The following KALRN variants were observed in gnomAD, a reference collection of about 807,000 sequenced individuals.
KALRN encodes kalirin RhoGEF kinase, also known as kalirin.
In KALRN, 70 loss-of-function variants were observed where a neutral mutation model predicts 353.7. The ratio of observed to expected loss-of-function variants is 0.20; its 90% CI spans 0.16 to 0.24. The LOEUF (loss-of-function observed/expected upper bound fraction) is 0.24, where lower values mean the gene tolerates loss of function less well. Among genes scored for constraint, KALRN ranks in the 10% least tolerant of loss-of-function variants. KALRN has a pLI of 1.00. For synonymous variants in KALRN, 1,391 were observed against 1,434.8 expected, an observed-to-expected ratio of 0.97 and a Z score of 0.69; for missense variants, 2,791 against 3,756.7, an observed-to-expected ratio of 0.74 and a Z score of 6.72.
Position 124,413,518 on chromosome 3 carries a change from A to G in KALRN, c.2395A>G (p.Asn799Asp). ...AWNEDLLRQM[N>D]DFNTEDLTLA... ...GAATGAAGACTTGCTTCGGCAGATG[A>G]ATGACTTCAACACAGAGGACCTAAC... Residue 799 changes from asparagine to aspartate, a missense_variant, in exon 14 of 60, where the codon AAT (asparagine) becomes GAT (aspartate). This residue lies in a region of KALRN where 452 missense variants were observed against 575.8 expected (regional missense o/e 0.78). Transcript: ENST00000682506. 6.2e-7 allele frequency: 1 copy of G among 1,614,130 alleles called. No individual in the cohort carries two copies. The highest frequency in any genetic ancestry group is 8.5e-7 in the Non-Finnish European group (1 of 1,180,010).
intron 25 of KALRN, among the ~76,000 whole-genome samples, chr3:124,462,848 C>T (rs941419956): frequency 6.6e-6 from 1 of 152,142 alleles, no homozygotes; most frequent in African/African-American, 2.4e-5. Flanking sequence ...AGTGCTCCTC[C>T]CCATCTCTCC....
chr3:124,244,061 T>C (rs1221570869), intron 3 of KALRN, among the ~76,000 whole-genome samples: 1 of 152,224 alleles, frequency 6.6e-6, no homozygotes, highest in Non-Finnish European at 1.5e-5. Context: ...AATGAATGAA[T>C]ATATGTGCCT....
At position 124,717,253 on chromosome 3, in the gene KALRN, T is replaced by G; in HGVS notation, c.8283T>G (p.Asp2761Glu). The change falls in exon 59 of 60, where the codon GAT becomes GAG. Residue 2761 changes from aspartate to glutamate, a missense_variant. Asp to Glu is a conservative substitution (Grantham distance 45). Around this residue, in one of 11 missense-constraint regions of KALRN, gnomAD observed 188 missense variants for 402.9 expected, o/e 0.47. Coordinates refer to ENST00000682506, the MANE Select transcript of KALRN (RefSeq NM_001388419.1). The stretch of plus-strand genomic sequence containing the variant: ...TTTCCCTGCCTACTTTCAGGATGGA[T>G]GATGGCCGGCTCTTAGACTACCTTA... ...TSYILILELM[D>E]DGRLLDYLMN... 6.3e-7 allele frequency: 1 copy of G among 1,599,102 alleles called. No individual in the cohort carries two copies. The highest frequency in any genetic ancestry group is 1.3e-5 in the African/African-American group (1 of 74,398).
chr3:124,661,835 T>A lies in KALRN; in HGVS notation c.6268-16T>A. On this transcript the variant is annotated splice_polypyrimidine_tract_variant and intron_variant, in intron 44 of 59. Coordinates refer to ENST00000682506, the MANE Select transcript of KALRN (RefSeq NM_001388419.1). The stretch of plus-strand genomic sequence containing the variant: ...TGCTGTTCCCCCTCCTGAGTAACAG[T>A]TGTTCTTTCCCACAGAAAGCAGTGG... The A allele has an allele frequency of 6.2e-7, 1 of 1,609,420 alleles. No homozygotes were observed. Among genetic ancestry groups the A allele is most frequent in the Non-Finnish European group, 8.5e-7 (1 of 1,175,816 alleles).
At chr3:124,666,299 G>C in intron 45 of KALRN, 150 bp from the exon 46 acceptor site, 1 of 678,234 alleles carries the variant, frequency 1.5e-6, no homozygotes, top group Non-Finnish European at 2.5e-6. Context: ...TGAGTGGGTG[G>C]GTCCTAATTC....
chr3:124,353,357 C>A (rs1195780965), intron 10 of KALRN, among the ~76,000 whole-genome samples: 2 of 151,988 alleles, frequency 1.3e-5, no homozygotes, highest in Non-Finnish European at 2.9e-5. Flanking sequence ...TGGACAATAG[C>A]CCTCATCAAT....
At chr3:124,585,569 T>C (rs904377783) in intron 34 of KALRN, among the ~76,000 whole-genome samples, 2 of 151,968 alleles carry the variant, frequency 1.3e-5, no homozygotes, top group African/African-American at 4.8e-5. Context: ...AGCAACCAAT[T>C]TCCCCCAAAG....
rs143466980 is a variant in KALRN, at chr3:124,282,225, T to G, written c.969+12970T>G. 2.1e-3 allele frequency among the ~76,000 whole-genome samples: 321 copies of G among 152,240 alleles called. 1 individual carries two copies. The highest frequency in any genetic ancestry group is 7.4e-3 in the African/African-American group (306 of 41,546). ...GGCAGTGGGACACGAGTGGGAACAATTCCCGAAGACATTTTGGAAGAAGGA... is the reference window on the plus strand; with the variant it reads ...GGCAGTGGGACACGAGTGGGAACAAGTCCCGAAGACATTTTGGAAGAAGGA... On this transcript the variant is annotated intron_variant, in intron 5 of 59. Transcript: ENST00000682506.
At position 124,269,186 on chromosome 3, in the gene KALRN, G is replaced by A; in HGVS notation, c.900G>A (p.Met300Ile). 3 of 1,612,690 alleles carry A rather than the reference G, an allele frequency of 1.9e-6. No individual in the cohort carries two copies. The highest frequency in any genetic ancestry group is 2.5e-6 in the Non-Finnish European group (3 of 1,179,214). ...CCACCCGGCAGCACCTGCACCAGAT[G>A]TGGCATGTGCGCAAGCTCAAGCTGG... ...LHSTRQHLHQ[M>I]WHVRKLKLDQ... The change falls in exon 5 of 60, where the codon ATG becomes ATA. Residue 300 changes from methionine to isoleucine, a missense_variant. This residue lies in a region of KALRN where 366 missense variants were observed against 489.2 expected (regional missense o/e 0.75). Coordinates refer to ENST00000682506, the MANE Select transcript of KALRN (RefSeq NM_001388419.1).
chr3:124,169,002 A>T (rs1392548095), intron 1 of KALRN, among the ~76,000 whole-genome samples: 1 of 152,224 alleles, frequency 6.6e-6, no homozygotes, highest in Non-Finnish European at 1.5e-5. Context: ...TTGACTCTTG[A>T]GTGGAAAGAC....
At chr3:124,674,760 C>T in intron 49 of KALRN, 146 bp downstream of exon 49, 1 of 878,516 alleles carries the variant, frequency 1.1e-6, no homozygotes, top group Non-Finnish European at 1.6e-6. Flanking sequence ...TGTTTGAGTG[C>T]TGACACCATA....
intron 5 of KALRN, among the ~76,000 whole-genome samples, chr3:124,274,960 C>T (rs2074547912): frequency 6.6e-6 from 1 of 152,186 alleles, no homozygotes; most frequent in African/African-American, 2.4e-5. Flanking sequence ...AGGATTTGTC[C>T]TGGGGTGACA....
chr3:124,500,405 A>C (rs749296952), intron 33 of KALRN, among the ~76,000 whole-genome samples: 1 of 152,188 alleles, frequency 6.6e-6, no homozygotes, highest in Non-Finnish European at 1.5e-5. Context: ...CCAATGCCCA[A>C]CACCCCTCCT....
intron 38 of KALRN, among the ~76,000 whole-genome samples, chr3:124,653,715 G>A (rs1307353357): frequency 6.6e-6 from 1 of 152,230 alleles, no homozygotes; most frequent in Non-Finnish European, 1.5e-5. Flanking sequence ...CCTGTGAAAG[G>A]AGGTTAGAAG....
In KALRN at chr3:124,355,887, A is replaced by G. The variant is rs148537678; in HGVS notation, c.1770+8622A>G. Among the ~76,000 whole-genome samples the G allele has an allele frequency of 4.4e-3, 671 of 151,604 alleles. 21 individuals carry two copies. The highest frequency in any genetic ancestry group is 0.034 in the Admixed American group (518 of 15,216). The stretch of plus-strand genomic sequence containing the variant: ...TGAGCCACTACACCCTGCTAATTTT[A>G]TATTTTCAGTAGAGATGGGGTTTCA... On this transcript the variant is annotated intron_variant, in intron 10 of 59. Transcript: ENST00000682506.
rs1222149754 is a variant in KALRN, at chr3:124,273,852, C to CGCAGAA, written c.969+4597_969+4598insGCAGAA. Among the ~76,000 whole-genome samples, 4 of 152,346 alleles carry CGCAGAA rather than the reference C, an allele frequency of 2.6e-5. No individual in the cohort carries two copies. In the East Asian group the frequency reaches 5.8e-4, roughly 22 times the overall value. ...GGTCTATAACTAATGGGCCTGTCCT[C>CGCAGAA]CACTGTATTCGCAGAACACAAGCCA... is the stretch of plus-strand genomic sequence containing the variant. On this transcript the variant is annotated intron_variant, in intron 5 of 59. Transcript: ENST00000682506.
intron 10 of KALRN, among the ~76,000 whole-genome samples, chr3:124,361,726 G>A (rs953378766): frequency 6.6e-6 from 1 of 151,792 alleles, no homozygotes; most frequent in Non-Finnish European, 1.5e-5. Flanking sequence ...CCTCATTGTA[G>A]GTGTGCATAT....
At chr3:124,447,565 C>T (rs2093881028) in intron 21 of KALRN, among the ~76,000 whole-genome samples, 1 of 152,208 alleles carries the variant, frequency 6.6e-6, no homozygotes, top group Admixed American at 6.5e-5. Context: ...TTGTAACGTC[C>T]TCATCTCTCA....
chr3:124,356,782 CCCT>C (rs1371300369), intron 10 of KALRN, among the ~76,000 whole-genome samples: 1 of 152,146 alleles, frequency 6.6e-6, no homozygotes, highest in Non-Finnish European at 1.5e-5. Flanking sequence ...AAACTCTTTT[CCCT>C]TTTCCCCAGG....
Sources: gnomAD v4.1 joint callset for allele counts (sites outside exome capture counted in the v4.1 genomes callset) on GRCh38, gnomAD v4.1.1 for gene constraint, gnomAD v4.1.1 regional missense constraint, MANE v1.5 for transcripts, NCBI Gene and HGNC (gene_info 2026-07-23, HGNC 2026-07-21) for gene names.